The following ANKRD37 variants were observed in gnomAD, a reference collection of about 807,000 sequenced individuals.
ANKRD37 encodes the protein ankyrin repeat domain-containing protein 37.
Under a neutral mutation model 19.7 loss-of-function variants are expected in ANKRD37, and 17 were observed. The ratio of observed to expected loss-of-function variants is 0.86; its 90% CI spans 0.59 to 1.29. The LOEUF is 1.29. Ranked by LOEUF, ANKRD37 falls within the 50% of genes most tolerant of loss-of-function variation. The pLI is 0.00. For missense variants in ANKRD37, 207 were observed against 190.4 expected (o/e 1.09, Z -0.51); for synonymous variants, 79 against 74.5 (o/e 1.06, Z -0.31).
Position 185,396,907 on chromosome 4 carries a change from T to C in ANKRD37, c.-17T>C. On this transcript the variant is annotated 5_prime_UTR_variant, in exon 1 of 5. Coordinates refer to ENST00000335174, the MANE Select transcript of ANKRD37 (RefSeq NM_181726.4). The stretch of plus-strand genomic sequence containing the variant: ...TCTGCACTTCCAAGGACTCTTGTCA[T>C]CTGCCTTAGGCGGGAAATGCTGTTG... 1 of 1,613,344 alleles carries C rather than the reference T, an allele frequency of 6.2e-7. No homozygotes were observed.
At chr4:185,397,115 G>A (rs772747190) in intron 1 of ANKRD37, 35 bp from the exon 2 acceptor site, 2 of 1,611,858 alleles carry the variant, frequency 1.2e-6, no homozygotes, top group East Asian at 2.2e-5. Context: ...CTGGACAAAG[G>A]TGGGAAGGGT....
chr4:185,400,395 A>T, downstream of ANKRD37: 3 of 1,611,368 alleles, frequency 1.9e-6, no homozygotes, highest in Non-Finnish European at 2.5e-6. Context: ...AGATATTTTA[A>T]ATCATATTTG....
At chr4:185,398,862 A>G in intron 2 of ANKRD37, 75 bp from the exon 3 acceptor site, 1 of 1,104,454 alleles carries the variant, frequency 9.1e-7, no homozygotes, top group Non-Finnish European at 1.4e-6. Flanking sequence ...TTAAATAGCT[A>G]ATATTAAATG....
chr4:185,400,250 C>T (rs965630368), downstream of ANKRD37: 16 of 743,988 alleles, frequency 2.2e-5, no homozygotes, highest in Non-Finnish European at 3.0e-5. Flanking sequence ...AATACATTCT[C>T]CGTGCAGTAT....
At chr4:185,399,822 T>G in intron 4 of ANKRD37, 49 bp downstream of exon 4, 1 of 1,609,188 alleles carries the variant, frequency 6.2e-7, no homozygotes, top group Non-Finnish European at 8.5e-7. Context: ...TGATCTCTTG[T>G]TTGCATAGCA....
chr4:185,399,826 C>T (rs755958665), intron 4 of ANKRD37, 53 bp downstream of exon 4: 2 of 1,606,638 alleles, frequency 1.2e-6, no homozygotes, highest in Non-Finnish European at 8.5e-7. Context: ...CTCTTGTTTG[C>T]ATAGCATTTA....
At position 185,399,603 on chromosome 4, in the gene ANKRD37, T is replaced by A; in HGVS notation, c.306T>A (p.Asp102Glu). ...LCNKNGQTAE[D>E]LAWSCGFPDC... is the part of the protein sequence containing the mutation. The stretch of plus-strand genomic sequence containing the variant: ...ATAAGAACGGGCAAACAGCTGAAGA[T>A]CTCGCTTGGTCATGTGGATTTCCAG... The change falls in exon 4 of 5, where the codon GAT (aspartate) becomes GAA (glutamate). Residue 102 changes from aspartate to glutamate, a missense_variant. Asp to Glu is a conservative substitution (Grantham distance 45). Coordinates refer to ENST00000335174, the MANE Select transcript of ANKRD37 (RefSeq NM_181726.4). 6.2e-7 allele frequency: 1 copy of A among 1,614,206 alleles called. No individual in the cohort carries two copies. The highest frequency in any genetic ancestry group is 8.5e-7 in the Non-Finnish European group (1 of 1,180,016).
chr4:185,399,407 G>GTATT lies in ANKRD37; in HGVS notation c.273-163_273-162insTATT, dbSNP rs1389269288. The GTATT allele has an allele frequency of 5.9e-6, 4 of 673,936 alleles. No homozygotes were observed. The East Asian group carries it at 1.1e-4, about 18-fold the overall frequency. 41.7% of individuals were successfully genotyped at this position (673,936 alleles called of 1,614,324 possible). On this transcript the variant is annotated intron_variant, in intron 3 of 4. Coordinates refer to ENST00000335174, the MANE Select transcript of ANKRD37 (RefSeq NM_181726.4). Reference sequence around the variant, plus strand: ...CGCTCTATGCTGGATTCTGTTAGTTGCTGAGGATACAATAGTGACCAAAAA... The same window carrying GTATT: ...CGCTCTATGCTGGATTCTGTTAGTTGTATTCTGAGGATACAATAGTGACCAAAAA...
At position 185,400,178 on chromosome 4, in the gene ANKRD37, A is replaced by T. The variant is rs2095511601; in HGVS notation, c.*161A>T. 1 of 736,142 alleles carries T rather than the reference A, an allele frequency of 1.4e-6. No homozygotes were observed. The highest frequency in any genetic ancestry group is 2.2e-6 in the Non-Finnish European group (1 of 454,520). 45.6% of individuals were successfully genotyped at this position (736,142 alleles called of 1,614,324 possible). On this transcript the variant is annotated 3_prime_UTR_variant, in exon 5 of 5. Transcript: ENST00000335174. ...TCCATTTAAGAACACATGTATTTACATGCCTATAATATGCTGGTTGTGTAT... is the reference window on the plus strand; with the variant it reads ...TCCATTTAAGAACACATGTATTTACTTGCCTATAATATGCTGGTTGTGTAT...
chr4:185,399,108 G>A (rs2095509840), intron 3 of ANKRD37, 80 bp downstream of exon 3: 1 of 1,202,650 alleles, frequency 8.3e-7, no homozygotes, highest in African/African-American at 1.5e-5. Flanking sequence ...AGTTACATGT[G>A]CTTTTAAAAA....
downstream of ANKRD37, chr4:185,400,521 C>A: frequency 6.9e-7 from 1 of 1,459,540 alleles, no homozygotes; most frequent in Non-Finnish European, 9.5e-7. Context: ...TACAAAGTTA[C>A]AAGATTATGT....
chr4:185,400,294 G>C (rs545090918), downstream of ANKRD37: 40 of 1,030,260 alleles, frequency 3.9e-5, no homozygotes, highest in South Asian at 6.1e-4. Context: ...AATTTAAATC[G>C]TCAAACTAGA....
In ANKRD37 at chr4:185,399,777, A is replaced by G; in HGVS notation, c.476+4A>G. ...CCAGTGGGAAAAGGAAGTGCTGGTA[A>G]GTAACTCAGAGCTGCTGCTTTTTTC... On this transcript the variant is annotated splice_donor_region_variant and intron_variant, in intron 4 of 4. Coordinates refer to ENST00000335174, the MANE Select transcript of ANKRD37 (RefSeq NM_181726.4). 6.2e-7 allele frequency: 1 copy of G among 1,613,926 alleles called. No individual in the cohort carries two copies. The highest frequency in any genetic ancestry group is 8.5e-7 in the Non-Finnish European group (1 of 1,179,940).
chr4:185,397,941 G>A (rs1052911074), intron 2 of ANKRD37, among the ~76,000 whole-genome samples: 6 of 152,192 alleles, frequency 3.9e-5, no homozygotes, highest in African/African-American at 4.8e-5. Context: ...ACATTTTAAT[G>A]TATGTGCATA....
In ANKRD37 at chr4:185,399,731, G is replaced by A. The variant is rs2095510835; in HGVS notation, c.434G>A (p.Ser145Asn). The change falls in exon 4 of 5, where the codon AGT (serine) becomes AAT (asparagine). Residue 145 changes from serine to asparagine, a missense_variant. By Grantham distance (46) the Ser-to-Asn change is conservative. Coordinates refer to ENST00000335174, the MANE Select transcript of ANKRD37 (RefSeq NM_181726.4). ...DCVAVLRQKR[S>N]LGSVENTSGK... ...GTTGCCGTGCTCAGACAGAAACGGAGTCTCGGAAGTGTAGAAAATACCAGT... is the reference window on the plus strand; with the variant it reads ...GTTGCCGTGCTCAGACAGAAACGGAATCTCGGAAGTGTAGAAAATACCAGT... 6.2e-7 allele frequency: 1 copy of A among 1,614,012 alleles called. No homozygotes were observed. The highest frequency in any genetic ancestry group is 1.7e-5 in the Admixed American group (1 of 60,000).
chr4:185,397,393 TA>T, intron 2 of ANKRD37, 91 bp downstream of exon 2: 1 of 1,487,448 alleles, frequency 6.7e-7, no homozygotes, highest in Non-Finnish European at 9.1e-7. Flanking sequence ...TTTCAGCTGT[TA>T]AAAACATGTC....
rs2095511593 is a variant in ANKRD37 at position 185,400,168 on chromosome 4, A to G, written c.*151A>G. The G allele has an allele frequency of 1.3e-6, 1 of 749,846 alleles. No individual in the cohort carries two copies. The highest frequency in any genetic ancestry group is 2.2e-6 in the Non-Finnish European group (1 of 464,376). 46.4% of individuals were successfully genotyped at this position (749,846 alleles called of 1,614,324 possible). On this transcript the variant is annotated 3_prime_UTR_variant, in exon 5 of 5. Transcript: ENST00000335174. Reference sequence around the variant, plus strand: ...CAAGTGAAGATCCATTTAAGAACACATGTATTTACATGCCTATAATATGCT... The same window carrying G: ...CAAGTGAAGATCCATTTAAGAACACGTGTATTTACATGCCTATAATATGCT...
chr4:185,399,850 T>A, intron 4 of ANKRD37, 77 bp downstream of exon 4: 1 of 1,584,270 alleles, frequency 6.3e-7, no homozygotes, highest in Non-Finnish European at 8.6e-7. Context: ...TTCCATTTAA[T>A]ACTGACACTC....
intron 2 of ANKRD37, among the ~76,000 whole-genome samples, chr4:185,398,341 G>GA (rs1015147485): frequency 4.7e-4 from 72 of 152,050 alleles, no homozygotes; most frequent in African/African-American, 1.6e-3. Context: ...GCTTACCGAG[G>GA]AAAAAAACAA....
Sources: allele counts gnomAD v4.1 joint callset (sites outside exome capture counted in the v4.1 genomes callset), GRCh38; gene constraint gnomAD v4.1.1; transcripts MANE v1.5; gene names NCBI Gene and HGNC (gene_info 2026-07-23, HGNC 2026-07-21).